The following ARHGAP10 variants were observed in gnomAD, a reference collection of about 807,000 sequenced individuals.
ARHGAP10 encodes the protein Rho GTPase activating protein 10, also known as rho GTPase-activating protein 10.
Under a neutral mutation model 108.6 loss-of-function variants are expected in ARHGAP10, and 87 were observed. That is an observed-to-expected ratio of 0.80 (90% CI 0.67 to 0.96). The LOEUF (loss-of-function observed/expected upper bound fraction) is 0.96. ARHGAP10 is among the 40% of genes least tolerant of loss of function. ARHGAP10 has a pLI of 0.00. For synonymous variants in ARHGAP10, 347 were observed against 341.1 expected, an observed-to-expected ratio of 1.02 and a Z score of -0.19; for missense variants, 939 against 954.5, an observed-to-expected ratio of 0.98 and a Z score of 0.21.
intron 1 of ARHGAP10, among the ~76,000 whole-genome samples, chr4:147,738,360 G>C (rs546828114): frequency 6.6e-6 from 1 of 152,094 alleles, no homozygotes; most frequent in Non-Finnish European, 1.5e-5. Context: ...GACCATCCTG[G>C]CTAACACGGT....
chr4:147,926,667 C>G (rs1278857466), intron 13 of ARHGAP10, among the ~76,000 whole-genome samples: 1 of 152,070 alleles, frequency 6.6e-6, no homozygotes, highest in Non-Finnish European at 1.5e-5. Flanking sequence ...GAGAAAAGGA[C>G]AGAATCTTTG....
In ARHGAP10 at chr4:147,832,646, C is replaced by CAA. The variant is rs776184630; in HGVS notation, c.312+9706_312+9707dup. On this transcript the variant is annotated intron_variant, in intron 3 of 22. Transcript: ENST00000336498. ...TGGGTAACAGAGCAAGACTCTGTCT[C>CAA]AAAAAAAAAAAAAAAAAAGGAAATT... Among the ~76,000 whole-genome samples the CAA allele has an allele frequency of 1.1e-3, 68 of 63,534 alleles. 2 individuals are homozygous for CAA. Among genetic ancestry groups the CAA allele is most frequent in the Middle Eastern group, 0.03 (2 of 66 alleles). 41.7% of individuals were successfully genotyped at this position (63,534 alleles called of 152,430 possible). A position where few individuals can be genotyped will look rare whatever the true frequency, so the allele number is the denominator to read the frequency against.
intron 1 of ARHGAP10, among the ~76,000 whole-genome samples, chr4:147,794,325 G>A (rs1475707418): frequency 1.5e-4 from 23 of 152,110 alleles, no homozygotes; most frequent in Admixed American, 1.5e-3. Flanking sequence ...GATTAGGCAG[G>A]CAACATTTTA....
intron 20 of ARHGAP10, among the ~76,000 whole-genome samples, chr4:148,054,528 C>G (rs1337496298): frequency 6.6e-6 from 1 of 152,208 alleles, no homozygotes; most frequent in Non-Finnish European, 1.5e-5. Flanking sequence ...CCTGGTTCAT[C>G]AGTTACATAA....
chr4:147,913,879 G>T, intron 13 of ARHGAP10, among the ~76,000 whole-genome samples: 1 of 152,156 alleles, frequency 6.6e-6, no homozygotes, highest in Non-Finnish European at 1.5e-5. Context: ...CTTGCCAGAC[G>T]TGGTGGCTCA....
At chr4:147,955,727 G>A (rs574671368) in intron 16 of ARHGAP10, among the ~76,000 whole-genome samples, 1 of 152,214 alleles carries the variant, frequency 6.6e-6, no homozygotes, top group East Asian at 1.9e-4. Context: ...GAACACAGAA[G>A]TATTTAATTT....
In ARHGAP10 at chr4:147,755,537, G is replaced by GA. The variant is rs113012026; in HGVS notation, c.154+23091dup. 2.3e-3 allele frequency among the ~76,000 whole-genome samples: 348 copies of GA among 151,360 alleles called. 2 individuals are homozygous for GA. Among genetic ancestry groups the GA allele is most frequent in the African/African-American group, 7.9e-3 (326 of 41,332 alleles). ...AAACTCCGTCTCAAAAAAAGGGAAA[G>GA]AAAAAAAAATACCAGTTCCATGTTA... On this transcript the variant is annotated intron_variant, in intron 1 of 22. Transcript: ENST00000336498.
chr4:147,905,243 C>T (rs1476145797), intron 10 of ARHGAP10, among the ~76,000 whole-genome samples: 1 of 151,446 alleles, frequency 6.6e-6, no homozygotes, highest in Non-Finnish European at 1.5e-5. Context: ...TTAATTAGAT[C>T]CCATTTGTCA....
At chr4:147,941,111 G>A (rs1307153502) in intron 14 of ARHGAP10, among the ~76,000 whole-genome samples, 1 of 152,140 alleles carries the variant, frequency 6.6e-6, no homozygotes, top group African/African-American at 2.4e-5. Context: ...TTTTAAAATT[G>A]GAATCACTTC....
At chr4:147,939,926 C>T in intron 14 of ARHGAP10, 27 bp downstream of exon 14, 2 of 1,582,686 alleles carry the variant, frequency 1.3e-6, no homozygotes, top group Non-Finnish European at 8.7e-7. Flanking sequence ...ATCATTTTTC[C>T]ATGTGTTATT....
intron 19 of ARHGAP10, among the ~76,000 whole-genome samples, chr4:148,031,102 G>T (rs1288187583): frequency 1.3e-5 from 2 of 152,102 alleles, no homozygotes; most frequent in Non-Finnish European, 2.9e-5. Context: ...TGGCATTTTG[G>T]ATCTACTAAT....
chr4:147,998,339 G>T (rs1478411875), intron 18 of ARHGAP10, among the ~76,000 whole-genome samples: 1 of 152,144 alleles, frequency 6.6e-6, no homozygotes, highest in African/African-American at 2.4e-5. Flanking sequence ...TAAACTGAGA[G>T]AATTTTCAAA....
chr4:147,946,551 G>A (rs778003600), intron 14 of ARHGAP10, 66 bp from the exon 15 acceptor site: 86 of 1,382,948 alleles, frequency 6.2e-5, no homozygotes, highest in Non-Finnish European at 7.9e-5. Flanking sequence ...AGCTTTGTGA[G>A]CTAGACAAGA....
chr4:147,876,097 T>A (rs1036976116), intron 8 of ARHGAP10, among the ~76,000 whole-genome samples: 1 of 152,226 alleles, frequency 6.6e-6, no homozygotes, highest in African/African-American at 2.4e-5. Flanking sequence ...GGTTACAGGG[T>A]ATCTGTGCTT....
At chr4:147,765,347 G>GTGT (rs1161623778) in intron 1 of ARHGAP10, among the ~76,000 whole-genome samples, 1 of 143,602 alleles carries the variant, frequency 7.0e-6, no homozygotes, top group African/African-American at 2.6e-5. Context: ...TGGGGGGGGG[G>GTGT]GTGTGAGTGT....
intron 9 of ARHGAP10, among the ~76,000 whole-genome samples, chr4:147,880,068 G>T (rs577884458): frequency 3.3e-5 from 5 of 152,174 alleles, no homozygotes; most frequent in African/African-American, 1.2e-4. Flanking sequence ...ATGATAGTAA[G>T]AAAAGAGCAA....
At chr4:147,880,187 C>T (rs1448187997) in intron 9 of ARHGAP10, among the ~76,000 whole-genome samples, 1 of 152,142 alleles carries the variant, frequency 6.6e-6, no homozygotes, top group Non-Finnish European at 1.5e-5. Flanking sequence ...AGCTTCCCAC[C>T]AATGTTGAAC....
At chr4:148,014,378 G>C (rs1442026052) in intron 18 of ARHGAP10, among the ~76,000 whole-genome samples, 22 of 152,172 alleles carry the variant, frequency 1.4e-4, no homozygotes. Context: ...TGATAAAACT[G>C]CACCTGGAGT....
intron 1 of ARHGAP10, among the ~76,000 whole-genome samples, chr4:147,818,752 A>C (rs1466474897): frequency 6.6e-6 from 1 of 152,152 alleles, no homozygotes; most frequent in Non-Finnish European, 1.5e-5. Context: ...AAACTGCCTT[A>C]TGCTTTTGTT....
Sources: gnomAD v4.1 joint callset for allele counts (sites outside exome capture counted in the v4.1 genomes callset) on GRCh38, gnomAD v4.1.1 for gene constraint, MANE v1.5 for transcripts, NCBI Gene and HGNC (gene_info 2026-07-23, HGNC 2026-07-21) for gene names.